PSME4: variants seen among roughly 807,000 people sequenced by gnomAD.
PSME4 encodes proteasome activator complex subunit 4.
Under a neutral mutation model 253.9 loss-of-function variants are expected in PSME4, and 89 were observed. The ratio of observed to expected loss-of-function variants is 0.35; its 90% CI spans 0.30 to 0.42. PSME4 has a LOEUF of 0.42. PSME4 is among the 10% of genes least tolerant of loss of function. The pLI is 1.00. For missense variants in PSME4, 2,014 were observed against 2,195.2 expected, an observed-to-expected ratio of 0.92 and a Z score of 1.65; for synonymous variants, 851 against 759.2, an observed-to-expected ratio of 1.12 and a Z score of -1.99.
chr2:53,865,950 TA>T, intron 46 of PSME4, 134 bp downstream of exon 46: 1 of 977,124 alleles, frequency 1.0e-6, no homozygotes, highest in African/African-American at 1.7e-5. Context: ...AAGCCATGTT[TA>T]AAAACAAACA....
intron 3 of PSME4, among the ~76,000 whole-genome samples, chr2:53,940,998 T>TATATATATATATATATATGTATATGA (rs1553338492): frequency 1.2e-5 from 1 of 85,908 alleles, no homozygotes; most frequent in Non-Finnish European, 2.5e-5. Context: ...TATATATATA[T>TATATATATATATATATATGTATATGA]ATGAAAGGAG....
chr2:53,970,484 C>T (rs1671013814), intron 1 of PSME4, 59 bp downstream of exon 1: 2 of 1,546,080 alleles, frequency 1.3e-6, no homozygotes, highest in East Asian at 2.4e-5. Flanking sequence ...GCAACCATCC[C>T]CGACACCTCT....
chr2:53,871,904 C>T (rs933835644), intron 43 of PSME4, among the ~76,000 whole-genome samples: 5 of 152,032 alleles, frequency 3.3e-5, no homozygotes, highest in African/African-American at 1.2e-4. Flanking sequence ...ATCCCAGCTA[C>T]TCAGGAGGCT....
In PSME4 at chr2:53,895,578, C is replaced by T; in HGVS notation, c.3842+5G>A. ...TAATGATAAGGTGCACAGTAAGTTACTTACTTTGGCCAGGTGTAGTATCCC... is the reference window on the plus strand; with the variant it reads ...TAATGATAAGGTGCACAGTAAGTTATTTACTTTGGCCAGGTGTAGTATCCC... On this transcript the variant is annotated splice_donor_5th_base_variant and intron_variant, in intron 33 of 46. Coordinates refer to ENST00000404125, the MANE Select transcript of PSME4 (RefSeq NM_014614.3). 3 of 1,604,212 alleles carry T rather than the reference C, an allele frequency of 1.9e-6. No individual in the cohort carries two copies. The highest frequency in any genetic ancestry group is 2.5e-6 in the Non-Finnish European group (3 of 1,176,512).
chr2:53,963,966 T>C (rs1373743450), intron 1 of PSME4, among the ~76,000 whole-genome samples: 1 of 152,116 alleles, frequency 6.6e-6, no homozygotes, highest in Non-Finnish European at 1.5e-5. Context: ...TAAGTGAAGA[T>C]AGGTGATGAG....
Position 53,897,980 on chromosome 2 carries a change from T to TA in PSME4, c.3495dup (p.Ile1166TyrfsTer13). Reference sequence around the variant, plus strand: ...AGTAGAGACAGAAGCCCAATGCCTATATGTTCAAATTTCCAGGGCCTTAAA... The same window carrying TA: ...AGTAGAGACAGAAGCCCAATGCCTATAATGTTCAAATTTCCAGGGCCTTAAA... On this transcript the variant is annotated frameshift_variant, in exon 31 of 47. Transcript: ENST00000404125. LOFTEE classifies it high-confidence loss of function. 6.2e-7 allele frequency: 1 copy of TA among 1,613,852 alleles called. No individual in the cohort carries two copies. Among genetic ancestry groups the TA allele is most frequent in the Non-Finnish European group, 8.5e-7 (1 of 1,179,840 alleles).
intron 10 of PSME4, among the ~76,000 whole-genome samples, chr2:53,930,199 T>C (rs536255504): frequency 6.6e-6 from 1 of 152,292 alleles, no homozygotes; most frequent in Non-Finnish European, 1.5e-5. Context: ...TGATATTACA[T>C]TTGTCCAAAA....
At chr2:53,923,913 CAA>C (rs199929436) in intron 14 of PSME4, among the ~76,000 whole-genome samples, 353 of 96,640 alleles carry the variant, frequency 3.7e-3, no homozygotes, top group African/African-American at 0.015. Flanking sequence ...ACAGAGTTAA[CAA>C]AAAAAAAAAA....
At chr2:53,926,798 C>T (rs1456952902) in intron 12 of PSME4, among the ~76,000 whole-genome samples, 3 of 151,826 alleles carry the variant, frequency 2.0e-5, no homozygotes, top group Non-Finnish European at 4.4e-5. Context: ...CATGATGAAA[C>T]CCCATCTCTA....
At position 53,925,588 on chromosome 2, in the gene PSME4, G is replaced by C; in HGVS notation, c.1760C>G (p.Ser587Cys). Residue 587 changes from serine (S) to cysteine (C), a missense_variant, in exon 14 of 47, where the codon TCT (serine) becomes TGT (cysteine). By Grantham distance (112) the Ser-to-Cys change is moderately radical. Around this residue, in one of 4 missense-constraint regions of PSME4, gnomAD observed 989 missense variants for 1,021.1 expected, o/e 0.97. Coordinates refer to ENST00000404125, the MANE Select transcript of PSME4 (RefSeq NM_014614.3). ...GGTGAGGATTGTACTAAACGTAGAAGACAGACCTAATTCGACCAAACTCTC... is the reference window on the plus strand; with the variant it reads ...GGTGAGGATTGTACTAAACGTAGAACACAGACCTAATTCGACCAAACTCTC... ...HLESLVELGLSSTFSTILTQC... is the reference protein window; with the variant it reads ...HLESLVELGLCSTFSTILTQC... The C allele has an allele frequency of 1.9e-6, 3 of 1,608,254 alleles. No individual in the cohort carries two copies. Among genetic ancestry groups the C allele is most frequent in the Non-Finnish European group, 2.6e-6 (3 of 1,175,202 alleles).
chr2:53,895,145 AT>A, intron 33 of PSME4, 69 bp from the exon 34 acceptor site: 1 of 1,385,504 alleles, frequency 7.2e-7, no homozygotes, highest in Non-Finnish European at 9.9e-7. Flanking sequence ...GATAGAAAGC[AT>A]TAGAAGGCAC....
chr2:53,919,326 T>C, intron 19 of PSME4, 80 bp from the exon 20 acceptor site: 1 of 1,445,466 alleles, frequency 6.9e-7, no homozygotes, highest in Non-Finnish European at 9.1e-7. Flanking sequence ...AGAAGTTTTC[T>C]CACGTGGGGA....
At chr2:53,960,476 G>C (rs1296019058) in intron 1 of PSME4, among the ~76,000 whole-genome samples, 1 of 151,624 alleles carries the variant, frequency 6.6e-6, no homozygotes, top group Non-Finnish European at 1.5e-5. Context: ...CGGTGGCAAG[G>C]AGAAATAACA....
rs1243232232 is a variant in PSME4 at position 53,922,997 on chromosome 2, G to C, written c.1978+52C>G. The C allele has an allele frequency of 5.4e-5, 72 of 1,345,454 alleles. No homozygotes were observed. The East Asian group carries it at 1.8e-3, about 33-fold the overall frequency. The allele number at this position is 1,345,454 out of a possible 1,614,324, so 83.3% of individuals were successfully genotyped here. A position where few individuals can be genotyped will look rare whatever the true frequency, so the allele number is the denominator to read the frequency against. On this transcript the variant is annotated intron_variant, in intron 16 of 46. Coordinates refer to ENST00000404125, the MANE Select transcript of PSME4 (RefSeq NM_014614.3). The stretch of plus-strand genomic sequence containing the variant: ...TCATTAACAGAGTTTTAGAAACCAA[G>C]AAAAAAACTTATCCAAAATTGTAAA...
rs752341652 is a variant in PSME4, at chr2:53,955,729, C to A, written c.243-6446G>T. 7.8e-4 allele frequency among the ~76,000 whole-genome samples: 119 copies of A among 152,222 alleles called. 1 individual carries two copies. Among genetic ancestry groups the A allele is most frequent in the African/African-American group, 2.3e-3 (97 of 41,526 alleles). ...TCGAGTCCAGGAGTTTGAGACCAGCCTGGGCAACACTGCGAGACCTCGTGC... is the reference window on the plus strand; with the variant it reads ...TCGAGTCCAGGAGTTTGAGACCAGCATGGGCAACACTGCGAGACCTCGTGC... On this transcript the variant is annotated intron_variant, in intron 1 of 46. Coordinates refer to ENST00000404125, the MANE Select transcript of PSME4 (RefSeq NM_014614.3).
At chr2:53,970,517 C>A in intron 1 of PSME4, 26 bp downstream of exon 1, 1 of 1,547,958 alleles carries the variant, frequency 6.5e-7, no homozygotes, top group Non-Finnish European at 8.7e-7. Context: ...CCCCCCGGCC[C>A]GGCCCGCAGG....
chr2:53,944,618 A>T (rs1332767098), intron 3 of PSME4, among the ~76,000 whole-genome samples: 2 of 152,268 alleles, frequency 1.3e-5, no homozygotes, highest in African/African-American at 2.4e-5. Flanking sequence ...TTTAGGAGAA[A>T]TTTTTCTCAC....
rs1679606932 is a variant in PSME4, at chr2:53,885,795, G to A, written c.4730-20C>T. On this transcript the variant is annotated intron_variant, in intron 40 of 46. Transcript: ENST00000404125. ...TCAATACTATTTTGAAAACAAAGAT[G>A]CAGAGTAAGTCTTTGCCATTCATTT... The A allele has an allele frequency of 1.9e-6, 3 of 1,560,472 alleles. No homozygotes were observed. The highest frequency in any genetic ancestry group is 1.7e-5 in the Admixed American group (1 of 59,838).
At chr2:53,865,913 A>T in intron 46 of PSME4, 172 bp downstream of exon 46, 1 of 703,790 alleles carries the variant, frequency 1.4e-6, no homozygotes. Context: ...GGCACAGCAA[A>T]ATTCTCATTT....
Sources: allele counts gnomAD v4.1 joint callset (sites outside exome capture counted in the v4.1 genomes callset), GRCh38; gene constraint gnomAD v4.1.1; regional missense constraint gnomAD v4.1.1; transcripts MANE v1.5; gene names NCBI Gene and HGNC (gene_info 2026-07-23, HGNC 2026-07-21).